FMN1: variants seen among roughly 807,000 people sequenced by gnomAD.
FMN1 encodes formin-1.
FMN1 carries 110 observed loss-of-function variants against 132.4 expected under a neutral mutation model. The ratio of observed to expected loss-of-function variants is 0.83; its 90% CI spans 0.71 to 0.97. The LOEUF (loss-of-function observed/expected upper bound fraction) is 0.97. Ranked by LOEUF, FMN1 falls within the 50% of genes least tolerant of loss-of-function variation. FMN1 has a pLI of 0.00. For missense variants in FMN1, 1,792 were observed against 1,705.3 expected (o/e 1.05, Z -0.90); for synonymous variants, 722 against 651.7 (o/e 1.11, Z -1.64).
chr15:33,130,757 A>C (rs1406842539), intron 4 of FMN1, among the ~76,000 whole-genome samples: 1 of 152,214 alleles, frequency 6.6e-6, no homozygotes, highest in Non-Finnish European at 1.5e-5. Flanking sequence ...TTCGTTTCAG[A>C]GTCAAAACAC....
In FMN1 at chr15:33,081,543, T is replaced by C. The variant is rs2038460258; in HGVS notation, c.2043+7256A>G. Among the ~76,000 whole-genome samples the C allele has an allele frequency of 3.9e-5, 6 of 152,190 alleles. No individual in the cohort carries two copies. The South Asian group carries it at 1.2e-3, about 32-fold the overall frequency. ...TTGTAATTCTGGTTGTAGTTCTAGCTGTCTAATTCTGAGCCTGGATCCCAA... is the reference window on the plus strand; with the variant it reads ...TTGTAATTCTGGTTGTAGTTCTAGCCGTCTAATTCTGAGCCTGGATCCCAA... On this transcript the variant is annotated intron_variant, in intron 5 of 20. Transcript: ENST00000616417.
intron 17 of FMN1, among the ~76,000 whole-genome samples, chr15:32,856,314 T>C (rs1251248645): frequency 1.3e-5 from 2 of 152,216 alleles, no homozygotes; most frequent in African/African-American, 4.8e-5. Flanking sequence ...GTTTTACATC[T>C]TAAGTTAAAT....
chr15:33,192,993 T>C (rs767978543), intron 2 of FMN1, among the ~76,000 whole-genome samples: 23 of 152,178 alleles, frequency 1.5e-4, no homozygotes, highest in Non-Finnish European at 2.9e-4. Flanking sequence ...TTTGAACCTA[T>C]GTCTGACAGG....
intron 4 of FMN1, among the ~76,000 whole-genome samples, chr15:33,125,352 T>C (rs1336369208): frequency 6.6e-6 from 1 of 152,208 alleles, no homozygotes; most frequent in Non-Finnish European, 1.5e-5. Context: ...GAAAATAGTT[T>C]CCTTTTAAAA....
chr15:32,892,058 G>A (rs749152765), intron 15 of FMN1, among the ~76,000 whole-genome samples: 1 of 151,726 alleles, frequency 6.6e-6, no homozygotes, highest in Non-Finnish European at 1.5e-5. Flanking sequence ...TCTTTCTCTT[G>A]TCTGATTGCT....
intron 6 of FMN1, chr15:33,012,187 T>C (rs1230216721): frequency 5.1e-6 from 3 of 582,550 alleles, no homozygotes; most frequent in Admixed American, 4.7e-5. Flanking sequence ...AGGGTTGGGC[T>C]TTGAAACCAC....
intron 6 of FMN1, among the ~76,000 whole-genome samples, chr15:33,016,744 A>G (rs140445993): frequency 8.7e-4 from 132 of 152,310 alleles, no homozygotes; most frequent in African/African-American, 3.0e-3. Flanking sequence ...GACTCCTGAC[A>G]GTTTTTAAGC....
At chr15:32,988,067 T>C (rs2033190552) in intron 7 of FMN1, among the ~76,000 whole-genome samples, 2 of 146,796 alleles carry the variant, frequency 1.4e-5, no homozygotes, top group East Asian at 2.0e-4. Context: ...TTTTTTTTTT[T>C]TTTCTTTTTT....
intron 5 of FMN1, among the ~76,000 whole-genome samples, chr15:33,085,110 T>A (rs994559438): frequency 1.2e-4 from 18 of 152,210 alleles, no homozygotes; most frequent in African/African-American, 4.3e-4. Flanking sequence ...CTTCTTTTTT[T>A]ACTTTTTGAT....
chr15:32,936,102 T>C (rs1230806956), intron 9 of FMN1, among the ~76,000 whole-genome samples: 37 of 152,244 alleles, frequency 2.4e-4, no homozygotes, highest in Non-Finnish European at 1.8e-4. Flanking sequence ...TAATATTTTC[T>C]ATTTCTTTGT....
intron 9 of FMN1, among the ~76,000 whole-genome samples, chr15:32,950,714 G>A (rs1305011958): frequency 6.6e-6 from 1 of 152,146 alleles, no homozygotes; most frequent in Non-Finnish European, 1.5e-5. Flanking sequence ...AGGAGGTTGA[G>A]TATCAGGAAA....
Position 33,067,683 on chromosome 15 carries a change from T to C in FMN1, c.2044-2609A>G, listed in dbSNP as rs1385508273. Reference sequence around the variant, plus strand: ...TTGCTGGAATCATCCTGCTGAGATGTGGGATTCACGTCTAAACTATGGAAT... The same window carrying C: ...TTGCTGGAATCATCCTGCTGAGATGCGGGATTCACGTCTAAACTATGGAAT... On this transcript the variant is annotated intron_variant, in intron 5 of 20. Coordinates refer to ENST00000616417, the MANE Select transcript of FMN1 (RefSeq NM_001277313.2). 2.5e-6 allele frequency: 4 copies of C among 1,614,036 alleles called. No individual in the cohort carries two copies. The Admixed American group carries it at 5.0e-5, about 20-fold the overall frequency.
chr15:33,058,838 G>C (rs1458821870), intron 6 of FMN1, among the ~76,000 whole-genome samples: 1 of 152,166 alleles, frequency 6.6e-6, no homozygotes, highest in East Asian at 1.9e-4. Flanking sequence ...ATACCATGTG[G>C]TATGATTAAA....
chr15:33,049,012 C>T (rs1009435946), intron 6 of FMN1, among the ~76,000 whole-genome samples: 9 of 152,078 alleles, frequency 5.9e-5, no homozygotes, highest in Non-Finnish European at 8.8e-5. Flanking sequence ...TAAATTTAGA[C>T]GGTTAAAGGA....
chr15:32,859,209 T>A (rs10519757), intron 16 of FMN1, among the ~76,000 whole-genome samples: 83,683 of 152,028 alleles, frequency 0.55, 23,774 homozygotes, highest in Middle Eastern at 0.63. Flanking sequence ...CTCTATAAAT[T>A]GTAAGGCAAT....
At chr15:33,161,717 G>T (rs1028856093) in intron 3 of FMN1, among the ~76,000 whole-genome samples, 1 of 152,068 alleles carries the variant, frequency 6.6e-6, no homozygotes, top group Non-Finnish European at 1.5e-5. Flanking sequence ...AGGAGATCGA[G>T]ACCACCCTGG....
chr15:32,939,960 T>C (rs1178225962), intron 9 of FMN1, among the ~76,000 whole-genome samples: 1 of 152,206 alleles, frequency 6.6e-6, no homozygotes, highest in African/African-American at 2.4e-5. Context: ...AAGAAACTGA[T>C]AATTAACTCA....
chr15:32,784,673 A>G (rs568404603), intron 19 of FMN1, among the ~76,000 whole-genome samples: 29 of 152,326 alleles, frequency 1.9e-4, no homozygotes, highest in Middle Eastern at 3.4e-3. Context: ...ATTACTTTCC[A>G]GGTAAGTTCT....
intron 15 of FMN1, among the ~76,000 whole-genome samples, chr15:32,897,470 G>T (rs1000025506): frequency 6.6e-6 from 1 of 152,150 alleles, no homozygotes; most frequent in African/African-American, 2.4e-5. Context: ...TTATAAAAAG[G>T]CTAGAGACAA....
Sources: gnomAD v4.1 joint callset for allele counts (sites outside exome capture counted in the v4.1 genomes callset) on GRCh38, gnomAD v4.1.1 for gene constraint, MANE v1.5 for transcripts, NCBI Gene and HGNC (gene_info 2026-07-23, HGNC 2026-07-21) for gene names.